Variants in GPC5 observed in about 807,000 individuals in gnomAD.
GPC5 encodes the protein glypican-5.
Under a neutral mutation model 53.9 loss-of-function variants are expected in GPC5, and 47 were observed. The ratio of observed to expected loss-of-function variants is 0.87; its 90% CI spans 0.69 to 1.11. The LOEUF (loss-of-function observed/expected upper bound fraction) is 1.11, where lower values mean the gene tolerates loss of function less well. Ranked by LOEUF, GPC5 falls within the 50% of genes most tolerant of loss-of-function variation. GPC5 has a pLI of 0.00. For synonymous variants in GPC5, 286 were observed against 263.3 expected, an observed-to-expected ratio of 1.09 and a Z score of -0.84; for missense variants, 748 against 713.1, an observed-to-expected ratio of 1.05 and a Z score of -0.56.
At chr13:92,300,466 A>G (rs369302964) in intron 7 of GPC5, among the ~76,000 whole-genome samples, 35 of 152,284 alleles carry the variant, frequency 2.3e-4, no homozygotes, top group African/African-American at 7.7e-4. Context: ...ACAAATTCCA[A>G]TGACACTGAT....
Position 92,492,204 on chromosome 13 carries a change from G to A in GPC5, c.1561+347215G>A, listed in dbSNP as rs77279484. Among the ~76,000 whole-genome samples, 1,360 of 152,198 alleles carry A rather than the reference G, an allele frequency of 8.9e-3. 20 individuals carry two copies. The highest frequency in any genetic ancestry group is 0.031 in the African/African-American group (1,302 of 41,518). ...TTAACAAATTATATACATTTCTAAT[G>A]ATGTCAATGTTGTGATTTTTAATTT... On this transcript the variant is annotated intron_variant, in intron 7 of 7. Coordinates refer to ENST00000377067, the MANE Select transcript of GPC5 (RefSeq NM_004466.6).
chr13:92,288,038 A>T lies in GPC5; in HGVS notation c.1561+143049A>T, dbSNP rs569169184. Among the ~76,000 whole-genome samples the T allele has an allele frequency of 2.6e-5, 4 of 151,888 alleles. No homozygotes were observed. In the East Asian group the frequency reaches 7.8e-4, roughly 29 times the overall value. On this transcript the variant is annotated intron_variant, in intron 7 of 7. Coordinates refer to ENST00000377067, the MANE Select transcript of GPC5 (RefSeq NM_004466.6). ...CCTTACATCTGCTAAAATCTCCAGGAATTTTTTTATCTATCGCACTTTTCA... is the reference window on the plus strand; with the variant it reads ...CCTTACATCTGCTAAAATCTCCAGGTATTTTTTTATCTATCGCACTTTTCA...
At chr13:92,335,581 C>A (rs2043316592) in intron 7 of GPC5, among the ~76,000 whole-genome samples, 1 of 152,202 alleles carries the variant, frequency 6.6e-6, no homozygotes, top group Non-Finnish European at 1.5e-5. Context: ...TTCTTCTCTA[C>A]TGCTTTGTCA....
At chr13:92,580,717 T>C (rs1298594875) in intron 7 of GPC5, among the ~76,000 whole-genome samples, 1 of 152,034 alleles carries the variant, frequency 6.6e-6, no homozygotes, top group East Asian at 1.9e-4. Context: ...CTCACACTTT[T>C]AAATGACCAG....
chr13:91,867,227 A>T (rs902536184), intron 5 of GPC5, among the ~76,000 whole-genome samples: 1 of 152,218 alleles, frequency 6.6e-6, no homozygotes, highest in Non-Finnish European at 1.5e-5. Context: ...AAAAAAGAAA[A>T]AAGTATCATC....
intron 7 of GPC5, among the ~76,000 whole-genome samples, chr13:92,669,501 G>A (rs1190313361): frequency 6.6e-6 from 1 of 152,142 alleles, no homozygotes; most frequent in African/African-American, 2.4e-5. Flanking sequence ...CCTGTTTGCT[G>A]TATATCGTCG....
chr13:92,399,598 G>A lies in GPC5; in HGVS notation c.1561+254609G>A, dbSNP rs12865759. On this transcript the variant is annotated intron_variant, in intron 7 of 7. Transcript: ENST00000377067. The stretch of plus-strand genomic sequence containing the variant: ...CCTGTTGTTCCCGTAATGATAAAGA[G>A]TGTTGCCACATTGGATTCCAGGCAA... Among the ~76,000 whole-genome samples, 783 of 152,246 alleles carry A rather than the reference G, an allele frequency of 5.1e-3. 12 individuals are homozygous for A. Among genetic ancestry groups the A allele is most frequent in the Middle Eastern group, 0.027 (8 of 294 alleles).
chr13:92,507,235 A>T (rs1880405097), intron 7 of GPC5, among the ~76,000 whole-genome samples: 1 of 152,206 alleles, frequency 6.6e-6, no homozygotes, highest in Admixed American at 6.5e-5. Context: ...TTCACAGTAC[A>T]TTGAGTTTGC....
intron 6 of GPC5, among the ~76,000 whole-genome samples, chr13:91,936,715 T>C (rs2039874645): frequency 6.7e-6 from 1 of 150,190 alleles, no homozygotes. Context: ...ATATCTCCTC[T>C]GAAATTGGCT....
intron 5 of GPC5, among the ~76,000 whole-genome samples, chr13:91,813,610 C>A (rs2038349397): frequency 6.6e-6 from 1 of 152,104 alleles, no homozygotes; most frequent in Non-Finnish European, 1.5e-5. Flanking sequence ...GTTTTCAAAT[C>A]AGGAGTGGGG....
intron 6 of GPC5, among the ~76,000 whole-genome samples, chr13:92,065,964 T>TTATC (rs2041164045): frequency 6.6e-6 from 1 of 152,146 alleles, no homozygotes; most frequent in Non-Finnish European, 1.5e-5. Flanking sequence ...ATGGTAACAA[T>TTATC]ATTCAACTGT....
chr13:92,209,746 T>G (rs1468697078), intron 7 of GPC5, among the ~76,000 whole-genome samples: 1 of 152,164 alleles, frequency 6.6e-6, no homozygotes, highest in East Asian at 1.9e-4. Flanking sequence ...ATCCACCATA[T>G]GTTAGACAGT....
Position 91,650,750 on chromosome 13 carries a change from G to GTTTTTTTTTTTTTTTTTT in GPC5, c.326-42432_326-42415dup, listed in dbSNP as rs67507888. Among the ~76,000 whole-genome samples the GTTTTTTTTTTTTTTTTTT allele has an allele frequency of 3.4e-3, 337 of 99,560 alleles. 18 individuals are homozygous for GTTTTTTTTTTTTTTTTTT. Among genetic ancestry groups the GTTTTTTTTTTTTTTTTTT allele is most frequent in the African/African-American group, 0.011 (279 of 24,636 alleles). 65.3% of individuals were successfully genotyped at this position (99,560 alleles called of 152,430 possible). On this transcript the variant is annotated intron_variant, in intron 2 of 7. Coordinates refer to ENST00000377067, the MANE Select transcript of GPC5 (RefSeq NM_004466.6). ...CATCTGTGAAACAAAATTCCCATAA[G>GTTTTTTTTTTTTTTTTTT]TTTTTTTTTTTTTTTTTTTTTTAGC...
intron 2 of GPC5, among the ~76,000 whole-genome samples, chr13:91,476,882 G>A (rs1882960661): frequency 6.6e-6 from 1 of 152,200 alleles, no homozygotes; most frequent in Admixed American, 6.5e-5. Context: ...TGAAAGTGAA[G>A]AAATTGGCTG....
intron 7 of GPC5, among the ~76,000 whole-genome samples, chr13:92,836,226 C>G (rs1275050956): frequency 1.3e-5 from 2 of 151,674 alleles, no homozygotes; most frequent in African/African-American, 4.8e-5. Flanking sequence ...CAATATTGTC[C>G]TCTTATCACT....
chr13:91,636,185 T>A (rs572400876), intron 2 of GPC5, among the ~76,000 whole-genome samples: 1 of 152,252 alleles, frequency 6.6e-6, no homozygotes, highest in East Asian at 1.9e-4. Context: ...AAAATTGCAA[T>A]GTGAATGATA....
rs545086376 is a variant in GPC5, at chr13:92,200,703, A to G, written c.1561+55714A>G. Among the ~76,000 whole-genome samples the G allele has an allele frequency of 5.3e-5, 8 of 152,330 alleles. No homozygotes were observed. The East Asian group carries it at 1.2e-3, about 22-fold the overall frequency. On this transcript the variant is annotated intron_variant, in intron 7 of 7. Coordinates refer to ENST00000377067, the MANE Select transcript of GPC5 (RefSeq NM_004466.6). ...TTGTAAAACCATGGGGGAGTTTCCA[A>G]CTGGATTCGATTGGATCATGTGCCC...
chr13:92,358,848 C>T (rs932756192), intron 7 of GPC5, among the ~76,000 whole-genome samples: 2 of 151,674 alleles, frequency 1.3e-5, no homozygotes, highest in African/African-American at 2.4e-5. Context: ...CCCTCCTAAG[C>T]CTCTGGGCCT....
Position 91,456,631 on chromosome 13 carries a change from T to C in GPC5, c.325+7709T>C, listed in dbSNP as rs77255798. On this transcript the variant is annotated intron_variant, in intron 2 of 7. Transcript: ENST00000377067. Reference sequence around the variant, plus strand: ...AATATATATCAAGGGAAAATTGTAATGTAAGCATTGTGTGGTATGACACTC... The same window carrying C: ...AATATATATCAAGGGAAAATTGTAACGTAAGCATTGTGTGGTATGACACTC... Among the ~76,000 whole-genome samples, 459 of 152,146 alleles carry C rather than the reference T, an allele frequency of 3.0e-3. 16 individuals carry two copies. In the South Asian group the frequency reaches 0.079, roughly 26 times the overall value.
Sources: allele counts gnomAD v4.1 joint callset (sites outside exome capture counted in the v4.1 genomes callset), GRCh38; gene constraint gnomAD v4.1.1; transcripts MANE v1.5; gene names NCBI Gene and HGNC (gene_info 2026-07-23, HGNC 2026-07-21).